Variants in ZNF92 observed in about 807,000 individuals in gnomAD.
ZNF92 encodes epididymis luminal protein 203.
ZNF92 carries 11 observed loss-of-function variants against 12.4 expected under a neutral mutation model. The ratio of observed to expected loss-of-function variants is 0.89; its 90% CI spans 0.56 to 1.47. ZNF92 has a LOEUF of 1.47. Ranked by LOEUF, ZNF92 falls within the 40% of genes most tolerant of loss-of-function variation. The pLI, the probability that ZNF92 is intolerant of heterozygous loss-of-function variation, is 0.00. For missense variants in ZNF92, 622 were observed against 681.0 expected (o/e 0.91, Z 0.96); for synonymous variants, 206 against 228.6 (o/e 0.90, Z 0.89).
chr7:65,386,075 A>G (rs1402600687), intron 1 of ZNF92, among the ~76,000 whole-genome samples: 2 of 152,168 alleles, frequency 1.3e-5, no homozygotes, highest in African/African-American at 4.8e-5. Flanking sequence ...GCTGGAGTGC[A>G]GCGGCATGAT....
In ZNF92 at chr7:65,388,015, C is replaced by T; in HGVS notation, c.117C>T (p.Asn39=). ...ATGTGATGTTAGAGAACTACAGAAA[C>T]CTGGTCTTCCTTGGTGAGGATAACT... ...YRDVMLENYR[N]LVFLGIAVSK... Residue 39 remains asparagine, a synonymous_variant, in exon 2 of 4, where the codon AAC becomes AAT. Coordinates refer to ENST00000328747, the MANE Select transcript of ZNF92 (RefSeq NM_152626.4). 6.2e-7 allele frequency: 1 copy of T among 1,605,766 alleles called. No individual in the cohort carries two copies. The highest frequency in any genetic ancestry group is 8.5e-7 in the Non-Finnish European group (1 of 1,176,002).
intron 1 of ZNF92, among the ~76,000 whole-genome samples, chr7:65,376,232 A>G (rs1793233082): frequency 6.6e-6 from 1 of 151,944 alleles, no homozygotes; most frequent in South Asian, 2.1e-4. Context: ...TTTTCTGATC[A>G]GCACTGCTAC....
At chr7:65,391,439 CAT>C (rs1310859388) in intron 3 of ZNF92, among the ~76,000 whole-genome samples, 74 of 152,220 alleles carry the variant, frequency 4.9e-4, no homozygotes, top group African/African-American at 1.7e-3. Flanking sequence ...CTAGAATTTA[CAT>C]GTTATGCCTG....
At position 65,374,020 on chromosome 7, in the gene ZNF92, C is replaced by T. The variant is rs963093279; in HGVS notation, c.3+20C>T. ...GAAATGGTGAGCCTGCTGGGTCCCACATCCCGAGAGAGGGGGAGGGTCTGG... is the reference window on the plus strand; with the variant it reads ...GAAATGGTGAGCCTGCTGGGTCCCATATCCCGAGAGAGGGGGAGGGTCTGG... On this transcript the variant is annotated intron_variant, in intron 1 of 3. Transcript: ENST00000328747. The T allele has an allele frequency of 7.4e-6, 12 of 1,614,004 alleles. No homozygotes were observed. Among genetic ancestry groups the T allele is most frequent in the East Asian group, 4.5e-5 (2 of 44,898 alleles).
chr7:65,378,293 CAA>C (rs56220414), intron 1 of ZNF92, among the ~76,000 whole-genome samples: 12 of 147,132 alleles, frequency 8.2e-5, no homozygotes, highest in Non-Finnish European at 1.0e-4. Context: ...GACTCTGTCT[CAA>C]AAAAAAAAAA....
chr7:65,383,751 C>T (rs532972574), intron 1 of ZNF92, among the ~76,000 whole-genome samples: 1 of 152,150 alleles, frequency 6.6e-6, no homozygotes, highest in South Asian at 2.1e-4. Context: ...CTGATCAGGA[C>T]AGGTAATCCA....
Position 65,399,448 on chromosome 7 carries a change from G to A in ZNF92, c.1334G>A (p.Arg445Lys). 1 of 1,610,506 alleles carries A rather than the reference G, an allele frequency of 6.2e-7. No individual in the cohort carries two copies. Residue 445 changes from arginine to lysine, a missense_variant, in exon 4 of 4, where the codon AGA (arginine) becomes AAA (lysine). By Grantham distance (26) the Arg-to-Lys change is conservative. Coordinates refer to ENST00000328747, the MANE Select transcript of ZNF92 (RefSeq NM_152626.4). ...TCCTCAGCTTTTACTAAACATAAGA[G>A]AAATCATATGGAAGATAAACCCTAC... is the stretch of plus-strand genomic sequence containing the variant. ...SWSSAFTKHK[R>K]NHMEDKPYKC...
At chr7:65,392,102 G>A (rs1358690348) in intron 3 of ZNF92, among the ~76,000 whole-genome samples, 1 of 152,040 alleles carries the variant, frequency 6.6e-6, no homozygotes, top group African/African-American at 2.4e-5. Flanking sequence ...GTTTAACTGG[G>A]AAATAAGTCA....
chr7:65,379,745 C>T (rs375008107), intron 1 of ZNF92, among the ~76,000 whole-genome samples: 2 of 152,092 alleles, frequency 1.3e-5, no homozygotes, highest in African/African-American at 2.4e-5. Context: ...GGGTTCTGCA[C>T]CACCTGTTCA....
chr7:65,390,214 TA>T (rs1264988214), intron 3 of ZNF92, among the ~76,000 whole-genome samples: 2 of 152,164 alleles, frequency 1.3e-5, no homozygotes, highest in African/African-American at 4.8e-5. Flanking sequence ...TTTCTCTATA[TA>T]AGATTATGTG....
At chr7:65,389,761 C>T (rs953758113) in intron 3 of ZNF92, among the ~76,000 whole-genome samples, 12 of 151,386 alleles carry the variant, frequency 7.9e-5, no homozygotes, top group African/African-American at 1.9e-4. Flanking sequence ...GTGATCCGCC[C>T]GCCTCGGCCT....
In ZNF92 at chr7:65,399,428, A is replaced by AGC. The variant is rs747635828; in HGVS notation, c.1315_1316dup (p.Phe440LeufsTer35). The AGC allele has an allele frequency of 6.2e-7, 1 of 1,613,480 alleles. No individual in the cohort carries two copies. Among genetic ancestry groups the AGC allele is most frequent in the South Asian group, 1.1e-5 (1 of 91,042 alleles). On this transcript the variant is annotated frameshift_variant, in exon 4 of 4. Transcript: ENST00000328747. LOFTEE classifies it low-confidence loss of function (END_TRUNC). Reference sequence around the variant, plus strand: ...GTGGCAAGGCCTTTAGCTGGTCCTCAGCTTTTACTAAACATAAGAGAAATC... The same window carrying AGC: ...GTGGCAAGGCCTTTAGCTGGTCCTCAGCGCTTTTACTAAACATAAGAGAAATC...
Position 65,393,583 on chromosome 7 carries a change from T to C in ZNF92, c.226+4682T>C, listed in dbSNP as rs1793777637. Among the ~76,000 whole-genome samples the C allele has an allele frequency of 3.9e-5, 6 of 152,136 alleles. No individual in the cohort carries two copies. The South Asian group carries it at 1.2e-3, about 31-fold the overall frequency. ...TATTTGAGAAACATGTATATAATAT[T>C]TTAAAATAATGGCTACATCCTTGTT... On this transcript the variant is annotated intron_variant, in intron 3 of 3. Transcript: ENST00000328747.
intron 3 of ZNF92, among the ~76,000 whole-genome samples, chr7:65,392,936 C>T (rs1212206948): frequency 6.6e-6 from 1 of 151,996 alleles, no homozygotes; most frequent in Non-Finnish European, 1.5e-5. Flanking sequence ...CACCTGTGGT[C>T]CCAGCTACTT....
In ZNF92 at chr7:65,399,095, T is replaced by A; in HGVS notation, c.981T>A (p.Ile327=). 3 of 1,608,816 alleles carry A rather than the reference T, an allele frequency of 1.9e-6. No homozygotes were observed. Among genetic ancestry groups the A allele is most frequent in the Non-Finnish European group, 2.5e-6 (3 of 1,178,124 alleles). Residue 327 remains isoleucine (I), a synonymous_variant, in exon 4 of 4, where the codon ATT becomes ATA. Coordinates refer to ENST00000328747, the MANE Select transcript of ZNF92 (RefSeq NM_152626.4). ...GCAAAGCCTTTAGAGTATTCTCAATTCTTAAAAAACATAAGATAATCCATA... is the reference window on the plus strand; with the variant it reads ...GCAAAGCCTTTAGAGTATTCTCAATACTTAAAAAACATAAGATAATCCATA... ...ECGKAFRVFS[I]LKKHKIIHTG...
At position 65,399,947 on chromosome 7, in the gene ZNF92, T is replaced by C. The variant is rs1793967533; in HGVS notation, c.*72T>C. 1.5e-6 allele frequency: 2 copies of C among 1,311,296 alleles called. No individual in the cohort carries two copies. Among genetic ancestry groups the C allele is most frequent in the Non-Finnish European group, 2.1e-6 (2 of 961,004 alleles). 81.2% of individuals were successfully genotyped at this position (1,311,296 alleles called of 1,614,324 possible). On this transcript the variant is annotated 3_prime_UTR_variant, in exon 4 of 4. Coordinates refer to ENST00000328747, the MANE Select transcript of ZNF92 (RefSeq NM_152626.4). ...AAACCATATTGGTGCCCTAGAAATGTGAGGAATATGACAAGGACTTTAAAT... is the reference window on the plus strand; with the variant it reads ...AAACCATATTGGTGCCCTAGAAATGCGAGGAATATGACAAGGACTTTAAAT...
intron 3 of ZNF92, among the ~76,000 whole-genome samples, chr7:65,397,035 G>T (rs1433150655): frequency 6.6e-6 from 1 of 150,580 alleles, no homozygotes; most frequent in Non-Finnish European, 1.5e-5. Context: ...ATTCTTCTAA[G>T]ATTTCTCCCA....
chr7:65,399,981 C>G lies in ZNF92; in HGVS notation c.*106C>G. Reference sequence around the variant, plus strand: ...TGACAAGGACTTTAAATGGTTGTCACGCTTGATTGTAGGTAAGATAATTTA... The same window carrying G: ...TGACAAGGACTTTAAATGGTTGTCAGGCTTGATTGTAGGTAAGATAATTTA... On this transcript the variant is annotated 3_prime_UTR_variant, in exon 4 of 4. Transcript: ENST00000328747. 1.0e-6 allele frequency: 1 copy of G among 1,004,604 alleles called. No individual in the cohort carries two copies. Among genetic ancestry groups the G allele is most frequent in the Non-Finnish European group, 1.4e-6 (1 of 710,006 alleles). The allele number at this position is 1,004,604 out of a possible 1,614,324, so 62.2% of individuals were successfully genotyped here. A position where few individuals can be genotyped will look rare whatever the true frequency, so the allele number is the denominator to read the frequency against.
rs2116413228 is a variant in ZNF92 at position 65,399,126 on chromosome 7, GA to G, written c.1017del (p.Lys339AsnfsTer23). ...AAAACATAAGATAATCCATACTGGG[GA>G]AAAACCATACAAATGTGAAGAATGT... ...LKKHKIIHTGEKPYKCEECGK... is the reference protein window; with the variant it reads ...LKKHKIIHTGXKPYKCEECGK... On this transcript the variant is annotated frameshift_variant, in exon 4 of 4. Transcript: ENST00000328747. LOFTEE classifies it low-confidence loss of function (END_TRUNC). The G allele has an allele frequency of 6.2e-7, 1 of 1,612,788 alleles. No individual in the cohort carries two copies. Among genetic ancestry groups the G allele is most frequent in the South Asian group, 1.1e-5 (1 of 90,922 alleles).
Sources: allele counts gnomAD v4.1 joint callset (sites outside exome capture counted in the v4.1 genomes callset), GRCh38; gene constraint gnomAD v4.1.1; transcripts MANE v1.5; gene names NCBI Gene and HGNC (gene_info 2026-07-23, HGNC 2026-07-21).